The following SATB1 variants were observed in gnomAD, a reference collection of about 807,000 sequenced individuals.
SATB1 encodes the protein DNA-binding protein SATB1.
Under a neutral mutation model 86.9 loss-of-function variants are expected in SATB1, and 11 were observed. That is an observed-to-expected ratio of 0.13 (90% CI 0.08 to 0.21). SATB1 has a LOEUF of 0.21. SATB1 is among the 10% of genes least tolerant of loss of function. The pLI is 1.00. For missense variants in SATB1, 551 were observed against 937.6 expected (o/e 0.59, Z 5.39); for synonymous variants, 357 against 357.2 (o/e 1.00, Z 0.01).
intron 5 of SATB1, among the ~76,000 whole-genome samples, chr3:18,409,876 T>G (rs1374940127): frequency 6.6e-6 from 1 of 152,082 alleles, no homozygotes; most frequent in African/African-American, 2.4e-5. Context: ...GTCTGATGAC[T>G]GGAGTCTGTA....
chr3:18,363,931 C>T (rs1299605229), intron 9 of SATB1, among the ~76,000 whole-genome samples: 1 of 152,080 alleles, frequency 6.6e-6, no homozygotes, highest in Non-Finnish European at 1.5e-5. Context: ...TGTGGGCATG[C>T]GAATATCAGA....
Position 18,348,186 on chromosome 3 carries a change from T to G in SATB1, c.*984A>C, listed in dbSNP as rs1470409301. The G allele has an allele frequency of 6.6e-6, 1 of 152,638 alleles. No homozygotes were observed. The highest frequency in any genetic ancestry group is 2.4e-5 in the African/African-American group (1 of 41,458). 9.5% of individuals were successfully genotyped at this position (152,638 alleles called of 1,614,324 possible). A position where few individuals can be genotyped will look rare whatever the true frequency, so the allele number is the denominator to read the frequency against. On this transcript the variant is annotated 3_prime_UTR_variant, in exon 11 of 11. Transcript: ENST00000338745. ...TTGCAAACATCAATTATTTTCACATTAATTGCATAATTTTCTAAGGTGATC... is the reference window on the plus strand; with the variant it reads ...TTGCAAACATCAATTATTTTCACATGAATTGCATAATTTTCTAAGGTGATC...
At chr3:18,360,132 T>C (rs1334581872) in intron 9 of SATB1, among the ~76,000 whole-genome samples, 16 of 152,010 alleles carry the variant, frequency 1.1e-4, no homozygotes, top group Middle Eastern at 3.2e-3. Flanking sequence ...TCACACAGAG[T>C]TGATGTGATT....
At chr3:18,416,317 G>T (rs1269620538) in intron 3 of SATB1, among the ~76,000 whole-genome samples, 184 bp from the exon 4 acceptor site, 1 of 151,898 alleles carries the variant, frequency 6.6e-6, no homozygotes, top group African/African-American at 2.4e-5. Context: ...TTTCCAAATT[G>T]TAAAATTATG....
upstream of SATB1, among the ~76,000 whole-genome samples, chr3:18,430,154 G>T (rs184006533): frequency 6.6e-4 from 100 of 152,206 alleles, no homozygotes; most frequent in African/African-American, 2.4e-3. Flanking sequence ...GTAGATTACA[G>T]AACACTTCCT....
chr3:18,389,706 T>C (rs749317005), intron 7 of SATB1, among the ~76,000 whole-genome samples: 13 of 152,104 alleles, frequency 8.5e-5, no homozygotes, highest in Non-Finnish European at 1.8e-4. Flanking sequence ...AGGACTAAAA[T>C]ATGTCATCAG....
intron 10 of SATB1, chr3:18,351,752 A>C (rs189616012): frequency 1.8e-6 from 1 of 545,330 alleles, no homozygotes; most frequent in Non-Finnish European, 3.3e-6. Flanking sequence ...AAACGAGTGT[A>C]AAAAAGGGGT....
In SATB1 at chr3:18,425,164, C is replaced by T; in HGVS notation, c.-1562G>A. ...CTGCTGCTGCTGCCGCCGCCGCCGC[C>T]GCTGCCGCTGTGGGTGCCTCTTCTT... On this transcript the variant is annotated 5_prime_UTR_variant, in exon 1 of 11. Coordinates refer to ENST00000338745, the MANE Select transcript of SATB1 (RefSeq NM_002971.6). The T allele has an allele frequency of 1.1e-5, 2 of 176,098 alleles. No homozygotes were observed. Among genetic ancestry groups the T allele is most frequent in the Non-Finnish European group, 2.3e-5 (2 of 85,532 alleles). The allele number at this position is 176,098 out of a possible 1,614,324, so 10.9% of individuals were successfully genotyped here.
intron 7 of SATB1, among the ~76,000 whole-genome samples, chr3:18,391,738 C>A (rs1451227012): frequency 2.6e-5 from 4 of 152,102 alleles, no homozygotes; most frequent in African/African-American, 9.7e-5. Flanking sequence ...TCTATACATA[C>A]GCATTAGCAT....
At chr3:18,365,577 CTGCCTTG>C (rs559663310) in intron 9 of SATB1, among the ~76,000 whole-genome samples, 9 of 152,168 alleles carry the variant, frequency 5.9e-5, no homozygotes, top group Non-Finnish European at 1.3e-4. Context: ...GTCTAACTAG[CTGCCTTG>C]TGCCTTGTCC....
upstream of SATB1, among the ~76,000 whole-genome samples, chr3:18,440,459 G>A (rs1292994395): frequency 2.0e-5 from 3 of 152,152 alleles, no homozygotes; most frequent in Admixed American, 6.5e-5. Context: ...AGACAGAGCC[G>A]TTATTTAGTG....
At chr3:18,369,577 C>CGT (rs1695358278) in intron 9 of SATB1, among the ~76,000 whole-genome samples, 1 of 152,044 alleles carries the variant, frequency 6.6e-6, no homozygotes, top group South Asian at 2.1e-4. Context: ...TTAGTTACAC[C>CGT]ACATGTGGTT....
intron 9 of SATB1, among the ~76,000 whole-genome samples, chr3:18,365,590 T>TGTCC (rs1429120492): frequency 5.3e-5 from 8 of 152,164 alleles, no homozygotes; most frequent in Non-Finnish European, 1.2e-4. Context: ...CCTTGTGCCT[T>TGTCC]GTCCTCCAGT....
At chr3:18,425,566 G>T (rs548784583), upstream of SATB1, among the ~76,000 whole-genome samples, 2 of 151,062 alleles carry the variant, frequency 1.3e-5, no homozygotes, top group African/African-American at 4.9e-5. Context: ...GGAATGGGGG[G>T]AGCGCACGAT....
chr3:18,370,514 G>GAAAAAAAAAAAAAAAAAAAAAAAAAGA (rs1559407361), intron 9 of SATB1, among the ~76,000 whole-genome samples: 1 of 13,232 alleles, frequency 7.6e-5, no homozygotes, highest in Non-Finnish European at 1.5e-4. Flanking sequence ...ACTGAGAGAG[G>GAAAAAAAAAAAAAAAAAAAAAAAAAGA]CAAAAAAAAA....
intron 9 of SATB1, among the ~76,000 whole-genome samples, chr3:18,367,435 C>A (rs1695240273): frequency 6.6e-6 from 1 of 152,148 alleles, no homozygotes; most frequent in African/African-American, 2.4e-5. Flanking sequence ...TATGAGAGCA[C>A]TGAAGAATAG....
chr3:18,357,133 GTATT>G (rs1294478970), intron 9 of SATB1, among the ~76,000 whole-genome samples: 2 of 151,746 alleles, frequency 1.3e-5, no homozygotes, highest in African/African-American at 2.4e-5. Flanking sequence ...TTTACAGTCT[GTATT>G]TATTCCCCCT....
rs1435754638 is a variant in SATB1 at position 18,394,125 on chromosome 3, A to C, written c.1206+337T>G. 6.6e-6 allele frequency among the ~76,000 whole-genome samples: 1 copy of C among 152,220 alleles called. No homozygotes were observed. The highest frequency in any genetic ancestry group is 1.5e-5 in the Non-Finnish European group (1 of 68,034). ...GCCTGGAATCCTGCCAATAGCCTTG[A>C]CTGAGTCATGAAACTTTTCTTAACC... On this transcript the variant is annotated intron_variant, in intron 7 of 10. Transcript: ENST00000338745. The surrounding 1 kb of genome is among the most constrained non-coding windows in gnomAD (Gnocchi z 5.9).
At chr3:18,421,202 G>A in intron 1 of SATB1, 1 of 416,174 alleles carries the variant, frequency 2.4e-6, no homozygotes, top group Non-Finnish European at 4.3e-6. Context: ...TGTGGAAACT[G>A]TACCAATACA....
Sources: allele counts gnomAD v4.1 joint callset (sites outside exome capture counted in the v4.1 genomes callset), GRCh38; gene constraint gnomAD v4.1.1; non-coding constraint Gnocchi (gnomAD v3.1); transcripts MANE v1.5; gene names NCBI Gene and HGNC (gene_info 2026-07-23, HGNC 2026-07-21).